The following SLC5A4 variants were observed in gnomAD, a reference collection of about 807,000 sequenced individuals.
SLC5A4 encodes probable glucose sensor protein SLC5A4.
Under a neutral mutation model 70.3 loss-of-function variants are expected in SLC5A4, and 55 were observed. The observed-to-expected ratio is 0.78, with a 90% CI of 0.63 to 0.98. The LOEUF is 0.98. SLC5A4 is among the 50% of genes least tolerant of loss of function. SLC5A4 has a pLI of 0.00. For synonymous variants in SLC5A4, 268 were observed against 305.7 expected, an observed-to-expected ratio of 0.88 and a Z score of 1.29; for missense variants, 735 against 839.2, an observed-to-expected ratio of 0.88 and a Z score of 1.53.
At chr22:32,354,177 G>A in the SLC5A4 span, among the ~76,000 whole-genome samples, 7 of 111,956 alleles carry the variant, frequency 6.3e-5, no homozygotes, top group Non-Finnish European at 1.1e-4. Context: ...CCTCAATAGC[G>A]CCCCCAACCA....
intron 2 of SLC5A4, 66 bp from the exon 3 acceptor site, chr22:32,251,940 A>G: frequency 2.4e-6 from 3 of 1,231,070 alleles, no homozygotes; most frequent in East Asian, 4.7e-5. Flanking sequence ...TTGAAAATAG[A>G]CAGATGTAGC....
chr22:32,305,430 G>A, the SLC5A4 span, among the ~76,000 whole-genome samples: 1 of 149,046 alleles, frequency 6.7e-6, no homozygotes, highest in Non-Finnish European at 1.5e-5. Context: ...ATTGTTGGCA[G>A]AAATATTTTG....
upstream of SLC5A4, among the ~76,000 whole-genome samples, chr22:32,255,820 G>A (rs1347262435): frequency 6.6e-6 from 1 of 152,196 alleles, no homozygotes; most frequent in Non-Finnish European, 1.5e-5. Flanking sequence ...TTTCTCTGAA[G>A]TGGGTTTCAT....
chr22:32,301,804 G>A, the SLC5A4 span, among the ~76,000 whole-genome samples: 72,798 of 150,308 alleles, frequency 0.48, 17,625 homozygotes, highest in Admixed American at 0.52. Flanking sequence ...ACTGGCATAA[G>A]AATAGGTATA....
At chr22:32,281,392 G>A in the SLC5A4 span, among the ~76,000 whole-genome samples, 1 of 152,202 alleles carries the variant, frequency 6.6e-6, no homozygotes, top group South Asian at 2.1e-4. Flanking sequence ...GCCAAAGCAT[G>A]TGCCACTGAC....
chr22:32,304,274 G>A, the SLC5A4 span, among the ~76,000 whole-genome samples: 1 of 151,836 alleles, frequency 6.6e-6, no homozygotes, highest in African/African-American at 2.4e-5. Flanking sequence ...CTGCAGGCAT[G>A]CGCCACCATG....
the SLC5A4 span, among the ~76,000 whole-genome samples, chr22:32,321,897 T>C: frequency 6.6e-6 from 1 of 152,220 alleles, no homozygotes; most frequent in East Asian, 1.9e-4. Flanking sequence ...GCAGAATGCA[T>C]AGGTCTTGCA....
chr22:32,321,503 G>A, the SLC5A4 span, among the ~76,000 whole-genome samples: 3 of 152,162 alleles, frequency 2.0e-5, no homozygotes, highest in Non-Finnish European at 4.4e-5. Flanking sequence ...AGGACGTGCA[G>A]GTTTGTGACA....
At chr22:32,299,424 C>T in the SLC5A4 span, among the ~76,000 whole-genome samples, 64 of 106,614 alleles carry the variant, frequency 6.0e-4, no homozygotes, top group Non-Finnish European at 7.5e-4. Flanking sequence ...ATCGCTGACA[C>T]CCTTTCTTCC....
At chr22:32,255,637 G>A (rs1603238085), upstream of SLC5A4, among the ~76,000 whole-genome samples, 1 of 152,092 alleles carries the variant, frequency 6.6e-6, no homozygotes, top group Non-Finnish European at 1.5e-5. Flanking sequence ...GGGGATTTGA[G>A]AGAAATGAAG....
At chr22:32,318,478 C>A in the SLC5A4 span, among the ~76,000 whole-genome samples, 1 of 152,184 alleles carries the variant, frequency 6.6e-6, no homozygotes, top group Non-Finnish European at 1.5e-5. Flanking sequence ...CAACTCCATC[C>A]TGTCAGTTGC....
At chr22:32,290,770 CAT>C in the SLC5A4 span, among the ~76,000 whole-genome samples, 2 of 152,104 alleles carry the variant, frequency 1.3e-5, no homozygotes, top group African/African-American at 4.8e-5. Flanking sequence ...TGTGTCTTCA[CAT>C]GATAGAAGAG....
At chr22:32,229,421 A>T (rs1925613037) in intron 10 of SLC5A4, 77 bp from the exon 11 acceptor site, 1 of 1,478,484 alleles carries the variant, frequency 6.8e-7, no homozygotes, top group African/African-American at 1.4e-5. Flanking sequence ...TTGAAAGGTT[A>T]AAAGTATCAT....
the SLC5A4 span, among the ~76,000 whole-genome samples, chr22:32,305,210 G>A: frequency 6.8e-6 from 1 of 148,016 alleles, no homozygotes; most frequent in Admixed American, 6.8e-5. Flanking sequence ...AAATTTTCCT[G>A]TATCTTTTTT....
At chr22:32,315,906 C>T in the SLC5A4 span, among the ~76,000 whole-genome samples, 219 of 151,710 alleles carry the variant, frequency 1.4e-3, 3 homozygotes, top group African/African-American at 5.1e-3. Context: ...TGGTGGCTCA[C>T]ACCTGTAATC....
At chr22:32,262,894 C>T in the SLC5A4 span, among the ~76,000 whole-genome samples, 5 of 151,698 alleles carry the variant, frequency 3.3e-5, no homozygotes, top group African/African-American at 9.7e-5. Context: ...CTCAGCCTCG[C>T]GAGTAGCTGG....
At chr22:32,352,189 G>T in the SLC5A4 span, among the ~76,000 whole-genome samples, 21 of 148,712 alleles carry the variant, frequency 1.4e-4, no homozygotes, top group Non-Finnish European at 7.4e-5. Flanking sequence ...ACATCGTTAT[G>T]TTCTCACTCA....
chr22:32,234,847 CAG>C (rs995272364), intron 8 of SLC5A4, 24 bp downstream of exon 8: 6 of 1,502,628 alleles, frequency 4.0e-6, no homozygotes, highest in African/African-American at 1.4e-5. Flanking sequence ...GACAGACAGA[CAG>C]ACACACATAT....
chr22:32,223,686 C>G (rs1925216288), intron 13 of SLC5A4, among the ~76,000 whole-genome samples: 1 of 152,154 alleles, frequency 6.6e-6, no homozygotes, highest in South Asian at 2.1e-4. Flanking sequence ...TTATTCTCTT[C>G]CTGGTGTCCT....
Sources: gnomAD v4.1 joint callset for allele counts (sites outside exome capture counted in the v4.1 genomes callset) on GRCh38, gnomAD v4.1.1 for gene constraint, MANE v1.5 for transcripts, NCBI Gene and HGNC (gene_info 2026-07-23, HGNC 2026-07-21) for gene names.